Variants in GNAL observed in about 807,000 individuals in gnomAD.
The protein encoded by GNAL is guanine nucleotide-binding protein G(olf) subunit alpha.
Under a neutral mutation model 55.1 loss-of-function variants are expected in GNAL, and 18 were observed. That is an observed-to-expected ratio of 0.33 (90% confidence interval 0.23 to 0.48). GNAL has a LOEUF of 0.48. Among genes scored for constraint, GNAL ranks in the 20% least tolerant of loss-of-function variants. The pLI is 0.99. For missense variants in GNAL, 412 were observed against 614.1 expected, an observed-to-expected ratio of 0.67 and a Z score of 3.48; for synonymous variants, 253 against 237.0, an observed-to-expected ratio of 1.07 and a Z score of -0.62.
chr18:11,752,378 T>A lies in GNAL; in HGVS notation c.377-475T>A. ...CAGGAGCCGCACACGTCTCCAACTCTCTATTGCTTTTTGCGCACATTCCTA... is the reference window on the plus strand; with the variant it reads ...CAGGAGCCGCACACGTCTCCAACTCACTATTGCTTTTTGCGCACATTCCTA... On this transcript the variant is annotated intron_variant, in intron 1 of 11. Transcript: ENST00000334049. The surrounding 1 kb of genome is among the most constrained non-coding windows in gnomAD (Gnocchi z 4.5). 6.4e-7 allele frequency: 1 copy of A among 1,567,692 alleles called. No individual in the cohort carries two copies.
chr18:11,835,014 G>A (rs2035469731), intron 5 of GNAL, among the ~76,000 whole-genome samples: 1 of 152,142 alleles, frequency 6.6e-6, no homozygotes, highest in Non-Finnish European at 1.5e-5. Flanking sequence ...CTACAAAAAT[G>A]ACCAGAACCT....
chr18:11,814,854 C>T (rs1306381435), intron 4 of GNAL, among the ~76,000 whole-genome samples: 5 of 150,176 alleles, frequency 3.3e-5, no homozygotes, highest in Non-Finnish European at 7.4e-5. Context: ...ACCGAGATCA[C>T]GCCACTGCAC....
chr18:11,878,730 C>T (rs1032721329), intron 11 of GNAL, among the ~76,000 whole-genome samples: 3 of 152,050 alleles, frequency 2.0e-5, no homozygotes, highest in Non-Finnish European at 4.4e-5. Context: ...CCACCGCACC[C>T]GGCTAATTTT....
intron 4 of GNAL, among the ~76,000 whole-genome samples, chr18:11,807,140 T>TA (rs1427986091): frequency 4.6e-5 from 7 of 151,172 alleles, no homozygotes; most frequent in African/African-American, 1.7e-4. Flanking sequence ...GCCTGGGTGA[T>TA]AGAGCGAGAC....
rs72528930 is a variant in GNAL at position 11,748,524 on chromosome 18, A to AT, written c.377-4329_377-4328insT. ...ATTAACTTCCTGGGTATATTTTGGT[A>AT]CTTTTTCATCACATCTGTTTACCTA... is the stretch of plus-strand genomic sequence containing the variant. On this transcript the variant is annotated intron_variant, in intron 1 of 11. Coordinates refer to ENST00000334049, the MANE Select transcript of GNAL (RefSeq NM_182978.4). Among the ~76,000 whole-genome samples, 3 of 135,116 alleles carry AT rather than the reference A, an allele frequency of 2.2e-5. No homozygotes were observed. The East Asian group carries it at 6.5e-4, about 29-fold the overall frequency. The allele number at this position is 135,116 out of a possible 152,430, so 88.6% of individuals were successfully genotyped here. A position where few individuals can be genotyped will look rare whatever the true frequency, so the allele number is the denominator to read the frequency against.
intron 4 of GNAL, among the ~76,000 whole-genome samples, chr18:11,761,981 G>A (rs2113738): frequency 0.35 from 52,578 of 152,138 alleles, 9,780 homozygotes; most frequent in African/African-American, 0.49. Context: ...CAGGGCTGCC[G>A]TATTGATTCT....
At chr18:11,843,903 G>C (rs1314582654) in intron 5 of GNAL, among the ~76,000 whole-genome samples, 1 of 151,954 alleles carries the variant, frequency 6.6e-6, no homozygotes, top group African/African-American at 2.4e-5. Context: ...AACCTGGGAG[G>C]CAGAGGTTTC....
At chr18:11,871,991 C>T (rs1338855111) in intron 9 of GNAL, among the ~76,000 whole-genome samples, 1 of 152,202 alleles carries the variant, frequency 6.6e-6, no homozygotes, top group Non-Finnish European at 1.5e-5. Flanking sequence ...AATGCTCCGA[C>T]AAGCATTTCC....
At chr18:11,809,668 G>A (rs2143559674) in intron 4 of GNAL, among the ~76,000 whole-genome samples, 1 of 152,216 alleles carries the variant, frequency 6.6e-6, no homozygotes, top group Non-Finnish European at 1.5e-5. Flanking sequence ...ACAAGGCAAA[G>A]GTTGCAGTGA....
chr18:11,753,495 T>G, intron 2 of GNAL, 133 bp from the exon 3 acceptor site: 1 of 619,926 alleles, frequency 1.6e-6, no homozygotes, highest in Non-Finnish European at 2.9e-6. Flanking sequence ...TGCGGATGTC[T>G]TGGGGGTTGA....
chr18:11,727,220 C>G (rs1216912812), intron 1 of GNAL, among the ~76,000 whole-genome samples: 1 of 152,220 alleles, frequency 6.6e-6, no homozygotes, highest in Non-Finnish European at 1.5e-5. Context: ...CGCACCCTCT[C>G]TGCCAGCTTC....
chr18:11,796,625 C>G (rs2034396638), intron 4 of GNAL, among the ~76,000 whole-genome samples: 2 of 150,156 alleles, frequency 1.3e-5, no homozygotes, highest in African/African-American at 4.9e-5. Flanking sequence ...ATTGTCCCAT[C>G]CCCCAGAGAT....
intron 4 of GNAL, among the ~76,000 whole-genome samples, chr18:11,778,178 G>T (rs1217555396): frequency 6.6e-6 from 1 of 152,190 alleles, no homozygotes; most frequent in East Asian, 1.9e-4. Context: ...GCTGTTGTTC[G>T]ATTTCCTGCC....
At chr18:11,750,061 GCT>G (rs2032780182) in intron 1 of GNAL, among the ~76,000 whole-genome samples, 1 of 152,158 alleles carries the variant, frequency 6.6e-6, no homozygotes, top group Non-Finnish European at 1.5e-5. Flanking sequence ...CTGAAATCCA[GCT>G]CTCTGTTAGT....
intron 5 of GNAL, among the ~76,000 whole-genome samples, chr18:11,850,052 G>T (rs1456403062): frequency 2.0e-5 from 3 of 152,182 alleles, no homozygotes; most frequent in Admixed American, 2.0e-4. Context: ...GGACTGGCAG[G>T]GTGTCAATAG....
At chr18:11,750,152 T>C (rs1361529327) in intron 1 of GNAL, among the ~76,000 whole-genome samples, 1 of 152,180 alleles carries the variant, frequency 6.6e-6, no homozygotes, top group Non-Finnish European at 1.5e-5. Flanking sequence ...CGGGATGCGG[T>C]AACTGTTGGG....
chr18:11,690,757 A>G (rs570642225), intron 1 of GNAL, among the ~76,000 whole-genome samples: 338 of 151,428 alleles, frequency 2.2e-3, no homozygotes, highest in African/African-American at 7.7e-3. Context: ...ATGATTTCCA[A>G]TTTCATCCAT....
intron 4 of GNAL, among the ~76,000 whole-genome samples, chr18:11,776,952 A>G (rs1251325516): frequency 6.6e-6 from 1 of 152,218 alleles, no homozygotes; most frequent in Non-Finnish European, 1.5e-5. Flanking sequence ...AAAAAAATCA[A>G]TACATCATAA....
chr18:11,790,750 G>A (rs191305218), intron 4 of GNAL, among the ~76,000 whole-genome samples: 235 of 148,254 alleles, frequency 1.6e-3, no homozygotes, highest in African/African-American at 5.6e-3. Context: ...TCTGCCTCCC[G>A]GGTTCACACC....
Sources: allele counts gnomAD v4.1 joint callset (sites outside exome capture counted in the v4.1 genomes callset), GRCh38; gene constraint gnomAD v4.1.1; non-coding constraint Gnocchi (gnomAD v3.1); transcripts MANE v1.5; gene names NCBI Gene and HGNC (gene_info 2026-07-23, HGNC 2026-07-21).